RB1: variants seen among roughly 807,000 people sequenced by gnomAD.
RB1 encodes the protein RB transcriptional corepressor 1, also known as retinoblastoma-associated protein.
A neutral mutation model predicts 135.4 loss-of-function variants in RB1; 18 were observed. The ratio of observed to expected loss-of-function variants is 0.13; its 90% CI spans 0.09 to 0.20. The LOEUF (loss-of-function observed/expected upper bound fraction) is 0.20, where lower values mean the gene tolerates loss of function less well. RB1 is among the 10% of genes least tolerant of loss of function. The pLI is 1.00. For missense variants in RB1, 868 were observed against 1,110.0 expected, an observed-to-expected ratio of 0.78 and a Z score of 3.10; for synonymous variants, 365 against 373.2, an observed-to-expected ratio of 0.98 and a Z score of 0.25.
chr13:48,398,292 A>G (rs2804087), intron 17 of RB1, among the ~76,000 whole-genome samples: 137,847 of 152,142 alleles, frequency 0.91, 63,468 homozygotes, highest in East Asian at 1. Flanking sequence ...CTGACCCAAT[A>G]TATTCCTAAT....
intron 17 of RB1, 74 bp from the exon 18 acceptor site, chr13:48,452,919 C>A (rs751064102): frequency 2.5e-6 from 4 of 1,592,170 alleles, no homozygotes; most frequent in Non-Finnish European, 3.4e-6. Flanking sequence ...CCATGTCAAA[C>A]AATATGATTT....
chr13:48,422,275 C>A (rs1949017868), intron 17 of RB1, among the ~76,000 whole-genome samples: 1 of 152,100 alleles, frequency 6.6e-6, no homozygotes, highest in Admixed American at 6.6e-5. Flanking sequence ...GAACAGAAAA[C>A]CAAACACCGC....
intron 7 of RB1, among the ~76,000 whole-genome samples, chr13:48,362,313 A>G (rs1244317927): frequency 5.5e-5 from 1 of 18,242 alleles, no homozygotes; most frequent in African/African-American, 7.6e-5. Context: ...ATAATCCAGG[A>G]GATTTTTTTT....
intron 2 of RB1, chr13:48,320,293 C>T: frequency 1.6e-6 from 2 of 1,229,110 alleles, no homozygotes; most frequent in Non-Finnish European, 2.3e-6. Flanking sequence ...GGTGGTGCCC[C>T]GAGCAACCCC....
intron 12 of RB1, among the ~76,000 whole-genome samples, chr13:48,375,751 G>A (rs564238817): frequency 6.6e-6 from 1 of 151,284 alleles, no homozygotes; most frequent in African/African-American, 2.4e-5. Flanking sequence ...GCTAATTATT[G>A]TAATTTTTGT....
At position 48,386,041 on chromosome 13, in the gene RB1, T is replaced by TAAA. The variant is rs59407273; in HGVS notation, c.1695+4613_1695+4615dup. Among the ~76,000 whole-genome samples the TAAA allele has an allele frequency of 5.5e-3, 713 of 130,332 alleles. 7 individuals carry two copies. Among genetic ancestry groups the TAAA allele is most frequent in the African/African-American group, 0.019 (662 of 34,298 alleles). The allele number at this position is 130,332 out of a possible 152,430, so 85.5% of individuals were successfully genotyped here. A position where few individuals can be genotyped will look rare whatever the true frequency, so the allele number is the denominator to read the frequency against. ...GGCAACAAAGCAAGACCCCATCTCT[T>TAAA]AAAAAAAAAAAAAAAAAGCTAGGTG... On this transcript the variant is annotated intron_variant, in intron 17 of 26. Coordinates refer to ENST00000267163, the MANE Select transcript of RB1 (RefSeq NM_000321.3).
chr13:48,317,005 A>G, intron 2 of RB1: 1 of 533,024 alleles, frequency 1.9e-6, no homozygotes, highest in Non-Finnish European at 3.2e-6. Flanking sequence ...CTCAGGTCTA[A>G]AATGCTTTCC....
At position 48,459,682 on chromosome 13, in the gene RB1, C is replaced by T. The variant is rs200501806; in HGVS notation, c.1961-6C>T. On this transcript the variant is annotated splice_region_variant and splice_polypyrimidine_tract_variant and intron_variant, in intron 19 of 26. Transcript: ENST00000267163. ...TAAAAATGACTAATTTTTCTTATTC[C>T]CACAGTGTATCGGCTAGCCTATCTC... 1.4e-5 allele frequency: 23 copies of T among 1,613,684 alleles called. No individual in the cohort carries two copies. In the Admixed American group the frequency reaches 1.5e-4, roughly 11 times the overall value.
chr13:48,399,192 G>A (rs550890823), intron 17 of RB1, among the ~76,000 whole-genome samples: 2 of 152,052 alleles, frequency 1.3e-5, no homozygotes, highest in East Asian at 1.9e-4. Context: ...GATTGTTTTC[G>A]TAGACTGAAA....
intron 6 of RB1, among the ~76,000 whole-genome samples, chr13:48,357,001 A>G (rs981770975): frequency 1.3e-5 from 2 of 151,480 alleles, no homozygotes; most frequent in Non-Finnish European, 2.9e-5. Flanking sequence ...TCCGCTCCTC[A>G]TTTACTTCCT....
intron 17 of RB1, among the ~76,000 whole-genome samples, chr13:48,404,971 A>G (rs1333179038): frequency 2.0e-5 from 3 of 152,224 alleles, no homozygotes; most frequent in Admixed American, 6.5e-5. Flanking sequence ...TTTGTCAAAT[A>G]TGACAGCAAA....
chr13:48,473,733 A>G (rs1268708836), intron 24 of RB1, among the ~76,000 whole-genome samples: 4 of 151,992 alleles, frequency 2.6e-5, no homozygotes, highest in South Asian at 4.2e-4. Context: ...ACCCAAATCT[A>G]TTCTTCAACT....
At chr13:48,309,750 A>G (rs1457606941) in intron 2 of RB1, among the ~76,000 whole-genome samples, 1 of 152,204 alleles carries the variant, frequency 6.6e-6, no homozygotes, top group Non-Finnish European at 1.5e-5. Flanking sequence ...CAAGTTTGAT[A>G]TAGTAGTTAG....
At chr13:48,479,554 T>C (rs1949524519) in intron 26 of RB1, among the ~76,000 whole-genome samples, 1 of 152,206 alleles carries the variant, frequency 6.6e-6, no homozygotes, top group African/African-American at 2.4e-5. Context: ...TGTACATACA[T>C]ACGTATTTTT....
At position 48,318,352 on chromosome 13, in the gene RB1, C is replaced by A. The variant is rs1257681237; in HGVS notation, c.264+10946C>A. ...ACCTTCCTGCACGCAGCCCTGGGTT[C>A]CCTGCACCTCTTCTTGAGCTTTCGC... On this transcript the variant is annotated intron_variant, in intron 2 of 26. Transcript: ENST00000267163. The A allele has an allele frequency of 1.8e-5, 25 of 1,427,440 alleles. No individual in the cohort carries two copies. The South Asian group carries it at 2.6e-4, about 15-fold the overall frequency. 88.4% of individuals were successfully genotyped at this position (1,427,440 alleles called of 1,614,324 possible).
intron 17 of RB1, among the ~76,000 whole-genome samples, chr13:48,441,916 T>G (rs563029539): frequency 1.3e-5 from 2 of 152,174 alleles, no homozygotes; most frequent in African/African-American, 2.4e-5. Flanking sequence ...TTTTAACTTA[T>G]TCACAAATCT....
At chr13:48,413,510 A>G (rs185485877) in intron 17 of RB1, among the ~76,000 whole-genome samples, 9 of 152,362 alleles carry the variant, frequency 5.9e-5, no homozygotes, top group Admixed American at 2.0e-4. Context: ...ATATCTTAAC[A>G]TAGCATTTCA....
At chr13:48,304,736 T>C (rs977673143) in intron 1 of RB1, among the ~76,000 whole-genome samples, 6 of 152,346 alleles carry the variant, frequency 3.9e-5, no homozygotes, top group Non-Finnish European at 8.8e-5. Context: ...ATGAGACATT[T>C]ACCAGAAGTG....
chr13:48,459,943 T>G, intron 20 of RB1, 110 bp downstream of exon 20: 2 of 466,492 alleles, frequency 4.3e-6, no homozygotes, highest in Non-Finnish European at 7.3e-6. Context: ...CTTTCTTTCT[T>G]TCTTTCTTTT....
Sources: gnomAD v4.1 joint callset for allele counts (sites outside exome capture counted in the v4.1 genomes callset) on GRCh38, gnomAD v4.1.1 for gene constraint, MANE v1.5 for transcripts, NCBI Gene and HGNC (gene_info 2026-07-23, HGNC 2026-07-21) for gene names.